TMEM39A: variants seen among roughly 807,000 people sequenced by gnomAD.
The protein encoded by TMEM39A is transmembrane protein 39A.
In TMEM39A, 19 loss-of-function variants were observed where a neutral mutation model predicts 51.9. The observed-to-expected ratio is 0.37, with a 90% CI of 0.26 to 0.54. The LOEUF (loss-of-function observed/expected upper bound fraction) is 0.54. Among genes scored for constraint, TMEM39A ranks in the 20% least tolerant of loss-of-function variants. The probability of loss-of-function intolerance (pLI) is 0.88; values close to 1 mark genes in which losing one functional copy is unlikely to be tolerated. For missense variants in TMEM39A, 433 were observed against 590.5 expected, an observed-to-expected ratio of 0.73 and a Z score of 2.76; for synonymous variants, 197 against 220.2, an observed-to-expected ratio of 0.89 and a Z score of 0.93.
intron 7 of TMEM39A, 137 bp downstream of exon 7, chr3:119,436,654 G>T: frequency 1.1e-6 from 1 of 913,026 alleles, no homozygotes; most frequent in Non-Finnish European, 1.7e-6. Context: ...AGTTTAGCAT[G>T]ATGACAAGCA....
intron 3 of TMEM39A, among the ~76,000 whole-genome samples, chr3:119,453,784 G>C (rs1669281439): frequency 1.3e-5 from 2 of 152,196 alleles, no homozygotes; most frequent in Admixed American, 6.5e-5. Context: ...TAGCCACCCT[G>C]TTATGGCAGC....
rs1057514711 is a variant in TMEM39A at position 119,429,985 on chromosome 3, T to C, written c.*1996A>G. 4 of 151,986 alleles carry C rather than the reference T, an allele frequency of 2.6e-5. No homozygotes were observed. Among genetic ancestry groups the C allele is most frequent in the African/African-American group, 4.8e-5 (2 of 41,376 alleles). The allele number at this position is 151,986 out of a possible 1,614,324, so 9.4% of individuals were successfully genotyped here. On this transcript the variant is annotated 3_prime_UTR_variant, in exon 9 of 9. Coordinates refer to ENST00000319172, the MANE Select transcript of TMEM39A (RefSeq NM_018266.3). ...AAGTTGGGGCAATTTTGATGAGATATCTCTGTGCCCATGCCACCCATTTTG... is the reference window on the plus strand; with the variant it reads ...AAGTTGGGGCAATTTTGATGAGATACCTCTGTGCCCATGCCACCCATTTTG...
Position 119,452,509 on chromosome 3 carries a change from G to A in TMEM39A, c.358C>T (p.His120Tyr). ...ATCACTGTGATGAATGCTGCCAGATGATAATCAATGAGATGAAAATTCTAC... is the reference window on the plus strand; with the variant it reads ...ATCACTGTGATGAATGCTGCCAGATAATAATCAATGAGATGAAAATTCTAC... ...TSLNFHLIDYHLAAFITVMLA... is the reference protein window; with the variant it reads ...TSLNFHLIDYYLAAFITVMLA... The change falls in exon 4 of 9, where the codon CAT (histidine) becomes TAT (tyrosine). Residue 120 changes from histidine to tyrosine, a missense_variant. Around this residue, in one of 3 missense-constraint regions of TMEM39A, gnomAD observed 170 missense variants for 239.8 expected, o/e 0.71. Transcript: ENST00000319172. 1 of 1,613,458 alleles carries A rather than the reference G, an allele frequency of 6.2e-7. No homozygotes were observed. Among genetic ancestry groups the A allele is most frequent in the Non-Finnish European group, 8.5e-7 (1 of 1,179,606 alleles).
At position 119,434,833 on chromosome 3, in the gene TMEM39A, T is replaced by C; in HGVS notation, c.1162A>G (p.Arg388Gly). The change falls in exon 8 of 9, where the codon AGA (arginine) becomes GGA (glycine). Residue 388 changes from arginine (R) to glycine (G), a missense_variant. Arg to Gly is a moderately radical substitution (Grantham distance 125). Around this residue, in one of 3 missense-constraint regions of TMEM39A, gnomAD observed 223 missense variants for 328.1 expected, o/e 0.68. Coordinates refer to ENST00000319172, the MANE Select transcript of TMEM39A (RefSeq NM_018266.3). The stretch of plus-strand genomic sequence containing the variant: ...GGCCCCATGGCTCTATATAAACATC[T>C]GCTGTGCCGCACCAGCACCCCTTGA... ...WPQGVLVRHSRCLYRAMGPYN... is the reference protein window; with the variant it reads ...WPQGVLVRHSGCLYRAMGPYN... 2 of 1,613,778 alleles carry C rather than the reference T, an allele frequency of 1.2e-6. No individual in the cohort carries two copies. The highest frequency in any genetic ancestry group is 1.7e-6 in the Non-Finnish European group (2 of 1,179,702).
chr3:119,438,223 A>G (rs2081001495), intron 5 of TMEM39A, 120 bp from the exon 6 acceptor site: 3 of 676,638 alleles, frequency 4.4e-6, no homozygotes, highest in South Asian at 5.4e-5. Context: ...AGGAGTAAAC[A>G]TAACTCAAGA....
At chr3:119,437,038 G>T in intron 6 of TMEM39A, 60 bp from the exon 7 acceptor site, 1 of 1,518,632 alleles carries the variant, frequency 6.6e-7, no homozygotes, top group Non-Finnish European at 9.0e-7. Context: ...GGCAGGGATG[G>T]GTTGGTGTAC....
chr3:119,435,514 A>G (rs1413331820), intron 7 of TMEM39A: 1 of 985,018 alleles, frequency 1.0e-6, no homozygotes, highest in Non-Finnish European at 1.2e-6. Flanking sequence ...CAGAAGCAGC[A>G]GCTTCATTCT....
In TMEM39A at chr3:119,438,025, C is replaced by T. The variant is rs758241595; in HGVS notation, c.654G>A (p.Val218=). The change falls in exon 6 of 9, where the codon GTG becomes GTA. Residue 218 remains valine (V), a synonymous_variant. Coordinates refer to ENST00000319172, the MANE Select transcript of TMEM39A (RefSeq NM_018266.3). The part of the protein sequence containing the change: ...AHLLLTDYNY[V]VQHEAVEESA... Reference sequence around the variant, plus strand: ...TTTCCTCTACTGCCTCGTGCTGAACCACATAGTTGTAGTCTGTGAGAAGAA... The same window carrying T: ...TTTCCTCTACTGCCTCGTGCTGAACTACATAGTTGTAGTCTGTGAGAAGAA... The T allele has an allele frequency of 1.9e-6, 3 of 1,613,848 alleles. No homozygotes were observed. The South Asian group carries it at 3.3e-5, about 18-fold the overall frequency.
At chr3:119,454,930 C>A (rs2081245620) in intron 3 of TMEM39A, among the ~76,000 whole-genome samples, 1 of 152,184 alleles carries the variant, frequency 6.6e-6, no homozygotes, top group Non-Finnish European at 1.5e-5. Flanking sequence ...GCCCTCTATT[C>A]CTGACTATTC....
rs558977230 is a variant in TMEM39A, at chr3:119,461,626, TA to T, written c.113+335del. 5.2e-3 allele frequency among the ~76,000 whole-genome samples: 791 copies of T among 152,300 alleles called. 4 individuals carry two copies. The highest frequency in any genetic ancestry group is 7.3e-3 in the Non-Finnish European group (495 of 68,024). Reference sequence around the variant, plus strand: ...GGAATTTGACTTATAATTTGCCCTCTAAAAAAAGAATGCTTATAAGTAGATA... The same window carrying T: ...GGAATTTGACTTATAATTTGCCCTCTAAAAAAGAATGCTTATAAGTAGATA... On this transcript the variant is annotated intron_variant, in intron 2 of 8. Coordinates refer to ENST00000319172, the MANE Select transcript of TMEM39A (RefSeq NM_018266.3).
chr3:119,450,598 G>T (rs1378689041), intron 4 of TMEM39A, among the ~76,000 whole-genome samples: 1 of 152,024 alleles, frequency 6.6e-6, no homozygotes, highest in Non-Finnish European at 1.5e-5. Context: ...AAGGTGGGTG[G>T]ATCACTTTAG....
At chr3:119,460,211 A>G (rs2081319860) in intron 2 of TMEM39A, among the ~76,000 whole-genome samples, 2 of 152,260 alleles carry the variant, frequency 1.3e-5, no homozygotes, top group South Asian at 4.1e-4. Flanking sequence ...ATTGCTAAAT[A>G]AACATATGTT....
In TMEM39A at chr3:119,462,057, C is replaced by G; in HGVS notation, c.18G>C (p.Arg6Ser). The G allele has an allele frequency of 6.2e-7, 1 of 1,614,094 alleles. No homozygotes were observed. Among genetic ancestry groups the G allele is most frequent in the South Asian group, 1.1e-5 (1 of 91,070 alleles). ...GGCTTAGCTGTTGCCGACTAGGGCC[C>G]CTCCTTCCACCGGGCATGTCCAGGA... MPGGR[R>S]GPSRQQLSRS... is the part of the protein sequence containing the mutation. Residue 6 changes from arginine to serine, a missense_variant, in exon 2 of 9, where the codon AGG becomes AGC. By Grantham distance (110) the Arg-to-Ser change is moderately radical (BLOSUM62 -1). This residue lies in a region of TMEM39A where 170 missense variants were observed against 239.8 expected (regional missense o/e 0.71). Coordinates refer to ENST00000319172, the MANE Select transcript of TMEM39A (RefSeq NM_018266.3).
In TMEM39A at chr3:119,451,036, T is replaced by C. The variant is rs180788813; in HGVS notation, c.420+1411A>G. 1.1e-3 allele frequency among the ~76,000 whole-genome samples: 170 copies of C among 152,236 alleles called. 1 individual carries two copies. The highest frequency in any genetic ancestry group is 4.8e-3 in the Admixed American group (74 of 15,298). Reference sequence around the variant, plus strand: ...TAACTGAAGGAATGAAACAAAATCATTTCCTATTTTAACAAATGAAAACAT... The same window carrying C: ...TAACTGAAGGAATGAAACAAAATCACTTCCTATTTTAACAAATGAAAACAT... On this transcript the variant is annotated intron_variant, in intron 4 of 8. Transcript: ENST00000319172.
chr3:119,434,979 A>C, intron 7 of TMEM39A, 97 bp from the exon 8 acceptor site: 1 of 1,490,296 alleles, frequency 6.7e-7, no homozygotes, highest in Non-Finnish European at 9.0e-7. Context: ...GAATTAAATA[A>C]TCAAGGCTTC....
rs1267843757 is a variant in TMEM39A at position 119,431,556 on chromosome 3, TA to T, written c.*424del. 6.5e-6 allele frequency: 1 copy of T among 153,672 alleles called. No individual in the cohort carries two copies. Among genetic ancestry groups the T allele is most frequent in the Non-Finnish European group, 1.4e-5 (1 of 69,206 alleles). 9.5% of individuals were successfully genotyped at this position (153,672 alleles called of 1,614,324 possible). Reference sequence around the variant, plus strand: ...TTCCAATACTATTAGCCAGCTGAACTAAAAGAGAATGGGTGCTGGTAGGCAA... The same window carrying T: ...TTCCAATACTATTAGCCAGCTGAACTAAAGAGAATGGGTGCTGGTAGGCAA... On this transcript the variant is annotated 3_prime_UTR_variant, in exon 9 of 9. Coordinates refer to ENST00000319172, the MANE Select transcript of TMEM39A (RefSeq NM_018266.3).
At chr3:119,434,057 C>G (rs2080934627) in intron 8 of TMEM39A, among the ~76,000 whole-genome samples, 1 of 152,188 alleles carries the variant, frequency 6.6e-6, no homozygotes, top group African/African-American at 2.4e-5. Context: ...ATGCACTGCA[C>G]TATAGGCATT....
rs753478144 is a variant in TMEM39A at position 119,458,021 on chromosome 3, T to C, written c.333A>G (p.Ser111=). The C allele has an allele frequency of 6.2e-7, 1 of 1,611,766 alleles. No individual in the cohort carries two copies. Among genetic ancestry groups the C allele is most frequent in the Non-Finnish European group, 8.5e-7 (1 of 1,177,990 alleles). The change falls in exon 3 of 9, where the codon TCA becomes TCG. Residue 111 remains serine, a synonymous_variant. Transcript: ENST00000319172. ...YPYNHPASCT[S]LNFHLIDYHL... The stretch of plus-strand genomic sequence containing the variant: ...TTAAAGTCTGAGTAAGACTTACCAG[T>C]GATGTACAAGAAGCAGGATGATTGT...
At position 119,436,920 on chromosome 3, in the gene TMEM39A, T is replaced by G. The variant is rs773339021; in HGVS notation, c.983A>C (p.Asn328Thr). 6.2e-7 allele frequency: 1 copy of G among 1,613,876 alleles called. No individual in the cohort carries two copies. Among genetic ancestry groups the G allele is most frequent in the South Asian group, 1.1e-5 (1 of 91,078 alleles). Residue 328 changes from asparagine to threonine, a missense_variant, in exon 7 of 9, where the codon AAT becomes ACT. Asn to Thr is a moderately conservative substitution (Grantham distance 65). Coordinates refer to ENST00000319172, the MANE Select transcript of TMEM39A (RefSeq NM_018266.3). Reference sequence around the variant, plus strand: ...TTGCGTGGTGAGCATGACAAAAGCATTGATCCACACCATAATGAGGTGCTC... The same window carrying G: ...TTGCGTGGTGAGCATGACAAAAGCAGTGATCCACACCATAATGAGGTGCTC... ...SCEHLIMVWINAFVMLTTQLL... is the reference protein window; with the variant it reads ...SCEHLIMVWITAFVMLTTQLL...
Sources: gnomAD v4.1 joint callset for allele counts (sites outside exome capture counted in the v4.1 genomes callset) on GRCh38, gnomAD v4.1.1 for gene constraint, gnomAD v4.1.1 regional missense constraint, MANE v1.5 for transcripts, NCBI Gene and HGNC (gene_info 2026-07-23, HGNC 2026-07-21) for gene names.